The following DIP2C variants were observed in gnomAD, a reference collection of about 807,000 sequenced individuals.
DIP2C encodes the protein disco-interacting protein 2 homolog C.
In DIP2C, 33 loss-of-function variants were observed where a neutral mutation model predicts 192.4. The ratio of observed to expected loss-of-function variants is 0.17; its 90% CI spans 0.13 to 0.23. DIP2C has a LOEUF of 0.23. DIP2C is among the 10% of genes least tolerant of loss of function. The probability of loss-of-function intolerance (pLI) is 1.00; values close to 1 mark genes in which losing one functional copy is unlikely to be tolerated. For synonymous variants in DIP2C, 979 were observed against 864.1 expected, an observed-to-expected ratio of 1.13 and a Z score of -2.33; for missense variants, 1,537 against 2,110.1, an observed-to-expected ratio of 0.73 and a Z score of 5.32.
At position 689,024 on chromosome 10, in the gene DIP2C, G is replaced by A. The variant is rs1430149101; in HGVS notation, c.85+470C>T. Among the ~76,000 whole-genome samples the A allele has an allele frequency of 1.3e-5, 2 of 152,172 alleles. No individual in the cohort carries two copies. The highest frequency in any genetic ancestry group is 4.8e-5 in the African/African-American group (2 of 41,460). On this transcript the variant is annotated intron_variant, in intron 1 of 36. Transcript: ENST00000280886. The surrounding 1 kb of genome is among the most constrained non-coding windows in gnomAD (Gnocchi z 6.1). ...AGGCCGAACCCGCCAGCGAGGAGGTGGCGCGCACCGCGCTGCTGCACCAAG... is the reference window on the plus strand; with the variant it reads ...AGGCCGAACCCGCCAGCGAGGAGGTAGCGCGCACCGCGCTGCTGCACCAAG...
intron 32 of DIP2C, among the ~76,000 whole-genome samples, chr10:301,880 G>T (rs1467609548): frequency 6.6e-6 from 1 of 152,196 alleles, no homozygotes; most frequent in Non-Finnish European, 1.5e-5. Context: ...GCAAAGCCTC[G>T]CAGGAGATTG....
intron 24 of DIP2C, 55 bp from the exon 25 acceptor site, chr10:349,509 C>A: frequency 6.4e-7 from 1 of 1,572,028 alleles, no homozygotes; most frequent in Non-Finnish European, 8.6e-7. Flanking sequence ...GAGCAGCTTG[C>A]AGAGAGCGCG....
At chr10:343,941 G>A (rs1206169224) in intron 28 of DIP2C, among the ~76,000 whole-genome samples, 3 of 152,230 alleles carry the variant, frequency 2.0e-5, no homozygotes, top group Non-Finnish European at 4.4e-5. Context: ...TGGGGTGTAA[G>A]AGAGGCTGCT....
chr10:364,235 C>A (rs1959905762), intron 20 of DIP2C, 139 bp downstream of exon 20: 9 of 929,038 alleles, frequency 9.7e-6, no homozygotes, highest in African/African-American at 1.7e-5. Flanking sequence ...AGGTCAGAGT[C>A]CAGTTGCTTC....
intron 1 of DIP2C, among the ~76,000 whole-genome samples, chr10:603,465 G>A (rs1389972209): frequency 4.6e-5 from 7 of 151,972 alleles, no homozygotes; most frequent in South Asian, 2.1e-4. Flanking sequence ...ATCCTAACAC[G>A]TCATGTGTTA....
intron 1 of DIP2C, among the ~76,000 whole-genome samples, chr10:552,694 C>T (rs1848648664): frequency 6.6e-6 from 1 of 152,162 alleles, no homozygotes; most frequent in Non-Finnish European, 1.5e-5. Flanking sequence ...AGTAAAAATA[C>T]AAAAAATTAG....
chr10:439,695 T>C (rs943805750), intron 4 of DIP2C, among the ~76,000 whole-genome samples: 1 of 152,080 alleles, frequency 6.6e-6, no homozygotes, highest in African/African-American at 2.4e-5. Flanking sequence ...TCTCAGTACC[T>C]TCATTAGTAA....
chr10:493,566 G>T (rs887017133), intron 1 of DIP2C, among the ~76,000 whole-genome samples: 6 of 152,112 alleles, frequency 3.9e-5, no homozygotes, highest in African/African-American at 1.4e-4. Flanking sequence ...GCCTGCTGTG[G>T]GCTCTTCTCA....
At chr10:362,423 C>T (rs1441389623) in intron 22 of DIP2C, 67 bp downstream of exon 22, 1 of 1,536,874 alleles carries the variant, frequency 6.5e-7, no homozygotes, top group Non-Finnish European at 8.8e-7. Context: ...AACTCCCGCA[C>T]CTCCCAGTGC....
intron 1 of DIP2C, among the ~76,000 whole-genome samples, chr10:538,495 A>G (rs1847816163): frequency 6.6e-6 from 1 of 152,186 alleles, no homozygotes; most frequent in Admixed American, 6.5e-5. Context: ...AGGTGCCACA[A>G]TCCTGGACTC....
chr10:541,193 G>C (rs532644245), intron 1 of DIP2C, among the ~76,000 whole-genome samples: 1 of 152,086 alleles, frequency 6.6e-6, no homozygotes, highest in South Asian at 2.1e-4. Context: ...GTTCTACCAC[G>C]CAACATTCAT....
intron 9 of DIP2C, among the ~76,000 whole-genome samples, chr10:400,546 G>A (rs1243626878): frequency 3.3e-5 from 5 of 151,550 alleles, no homozygotes; most frequent in South Asian, 4.2e-4. Context: ...CATGAATCCT[G>A]TGATTTTACA....
At chr10:382,425 C>T in intron 17 of DIP2C, 3 of 465,584 alleles carry the variant, frequency 6.4e-6, no homozygotes, top group Non-Finnish European at 1.2e-5. Context: ...AAGGAATTAC[C>T]GTGAAACTGC....
intron 10 of DIP2C, among the ~76,000 whole-genome samples, chr10:396,441 A>G (rs1262910667): frequency 6.6e-6 from 1 of 152,236 alleles, no homozygotes; most frequent in African/African-American, 2.4e-5. Context: ...AATACAAATT[A>G]TTAAAGTGAA....
chr10:557,862 G>GGGGCAGGC (rs1848986634), intron 1 of DIP2C, among the ~76,000 whole-genome samples: 1 of 109,112 alleles, frequency 9.2e-6, no homozygotes, highest in South Asian at 5.3e-4. Flanking sequence ...GGAGGGGGCA[G>GGGGCAGGC]GGGCAGGCAG....
At chr10:514,836 C>T (rs1846248512) in intron 1 of DIP2C, among the ~76,000 whole-genome samples, 1 of 152,076 alleles carries the variant, frequency 6.6e-6, no homozygotes, top group Admixed American at 6.5e-5. Context: ...ATGTCGGATT[C>T]CTGTGCTTGG....
At chr10:577,773 G>GCTGAGAC (rs1850261408) in intron 1 of DIP2C, among the ~76,000 whole-genome samples, 1 of 152,032 alleles carries the variant, frequency 6.6e-6, no homozygotes, top group Admixed American at 6.6e-5. Flanking sequence ...GAGGAACTTG[G>GCTGAGAC]CTGAGACTAA....
intron 1 of DIP2C, among the ~76,000 whole-genome samples, chr10:679,310 C>T (rs1451688956): frequency 1.8e-5 from 1 of 54,338 alleles, no homozygotes; most frequent in African/African-American, 6.2e-5. Context: ...CACGCCCAGG[C>T]TCCCCGCACC....
At chr10:595,325 T>C (rs890823703) in intron 1 of DIP2C, among the ~76,000 whole-genome samples, 19 of 152,250 alleles carry the variant, frequency 1.2e-4, no homozygotes, top group Non-Finnish European at 5.9e-5. Flanking sequence ...GGTTTTAATA[T>C]ACAAACTTGC....
Sources: gnomAD v4.1 joint callset for allele counts (sites outside exome capture counted in the v4.1 genomes callset) on GRCh38, gnomAD v4.1.1 for gene constraint, Gnocchi (gnomAD v3.1) non-coding constraint, MANE v1.5 for transcripts, NCBI Gene and HGNC (gene_info 2026-07-23, HGNC 2026-07-21) for gene names.